Variants in RASSF3 observed in about 807,000 individuals in gnomAD.
RASSF3 encodes ras association domain-containing protein 3.
Under a neutral mutation model 19.9 loss-of-function variants are expected in RASSF3, and 19 were observed. That is an observed-to-expected ratio of 0.96 (90% CI 0.67 to 1.40). RASSF3 has a LOEUF of 1.40. RASSF3 is among the 40% of genes most tolerant of loss of function. The probability of loss-of-function intolerance (pLI) is 0.00; values close to 1 mark genes in which losing one functional copy is unlikely to be tolerated. For synonymous variants in RASSF3, 110 were observed against 104.2 expected, an observed-to-expected ratio of 1.06 and a Z score of -0.34; for missense variants, 306 against 289.8, an observed-to-expected ratio of 1.06 and a Z score of -0.41.
At chr12:64,661,491 A>G (rs1179154924) in intron 1 of RASSF3, among the ~76,000 whole-genome samples, 1 of 151,984 alleles carries the variant, frequency 6.6e-6, no homozygotes, top group Non-Finnish European at 1.5e-5. Flanking sequence ...TCTAAAAAAA[A>G]GGGGCGCAGG....
At chr12:64,533,402 G>A (rs1592391931) in intron 1 of RASSF3, 1 of 152,224 alleles carries the variant, frequency 6.6e-6, no homozygotes, top group Non-Finnish European at 1.5e-5. Flanking sequence ...TCCCCATGTC[G>A]GTTCAATTGT....
intron 2 of RASSF3, among the ~76,000 whole-genome samples, chr12:64,687,613 C>G (rs1407082964): frequency 6.6e-6 from 1 of 151,594 alleles, no homozygotes; most frequent in Non-Finnish European, 1.5e-5. Flanking sequence ...CTTAAGAGAC[C>G]CGAAATGCAT....
At chr12:64,569,101 A>T (rs1412292265) in intron 2 of RASSF3, among the ~76,000 whole-genome samples, 1 of 152,210 alleles carries the variant, frequency 6.6e-6, no homozygotes, top group Non-Finnish European at 1.5e-5. Flanking sequence ...GAGAGGACTA[A>T]GCTTGGCTGC....
chr12:64,636,004 C>T (rs1412189356), intron 1 of RASSF3, among the ~76,000 whole-genome samples: 1 of 152,112 alleles, frequency 6.6e-6, no homozygotes, highest in East Asian at 1.9e-4. Flanking sequence ...TGATTACATT[C>T]ATTGTTATTT....
chr12:64,625,166 C>T (rs982277846), intron 1 of RASSF3, among the ~76,000 whole-genome samples: 6 of 152,070 alleles, frequency 3.9e-5, no homozygotes, highest in Admixed American at 2.0e-4. Flanking sequence ...AATTGGGAAT[C>T]TCAATGTAAT....
intron 1 of RASSF3, among the ~76,000 whole-genome samples, chr12:64,681,764 G>A (rs1873135131): frequency 6.6e-6 from 1 of 152,180 alleles, no homozygotes; most frequent in African/African-American, 2.4e-5. Context: ...TGTAATCTCA[G>A]CACTTTAGGA....
chr12:64,562,553 C>A (rs546031803), intron 2 of RASSF3, among the ~76,000 whole-genome samples: 1 of 152,250 alleles, frequency 6.6e-6, no homozygotes, highest in South Asian at 2.1e-4. Flanking sequence ...ATAAATGATG[C>A]TCCTCTGCAG....
At chr12:64,665,181 G>C (rs1341882110) in intron 1 of RASSF3, among the ~76,000 whole-genome samples, 1 of 152,158 alleles carries the variant, frequency 6.6e-6, no homozygotes, top group African/African-American at 2.4e-5. Flanking sequence ...GAATCTCAGT[G>C]CCTCTCGCAA....
intron 1 of RASSF3, among the ~76,000 whole-genome samples, chr12:64,655,329 C>T (rs1381951975): frequency 2.0e-5 from 3 of 152,166 alleles, no homozygotes; most frequent in Non-Finnish European, 4.4e-5. Flanking sequence ...GTGTAATCGT[C>T]TGTACATGGT....
At chr12:64,637,095 A>G (rs1871351890) in intron 1 of RASSF3, among the ~76,000 whole-genome samples, 1 of 152,212 alleles carries the variant, frequency 6.6e-6, no homozygotes. Flanking sequence ...GTAAATGAGT[A>G]TAAAGCAATC....
chr12:64,608,704 C>T (rs143800818), upstream of RASSF3, among the ~76,000 whole-genome samples: 920 of 152,282 alleles, frequency 6.0e-3, 10 homozygotes, highest in African/African-American at 0.021. Context: ...GTAATTTAAG[C>T]CCTTAACCTA....
intron 1 of RASSF3, among the ~76,000 whole-genome samples, chr12:64,677,318 G>A (rs1455273588): frequency 6.6e-6 from 1 of 152,204 alleles, no homozygotes; most frequent in Non-Finnish European, 1.5e-5. Context: ...TAGCCCTGAT[G>A]TATATCAACA....
intron 1 of RASSF3, among the ~76,000 whole-genome samples, chr12:64,641,414 A>ACACACACACGCGCGCGCGCG: frequency 5.6e-4 from 79 of 142,194 alleles, no homozygotes; most frequent in African/African-American, 2.1e-3. Context: ...ACACACACAC[A>ACACACACACGCGCGCGCGCG]CGCGCGCGCG....
chr12:64,571,918 A>G (rs1869525175), intron 2 of RASSF3, among the ~76,000 whole-genome samples: 1 of 152,196 alleles, frequency 6.6e-6, no homozygotes, highest in Non-Finnish European at 1.5e-5. Context: ...TGCTGGTGCC[A>G]GAATCACTTA....
intron 1 of RASSF3, among the ~76,000 whole-genome samples, chr12:64,541,378 T>C (rs377074099): frequency 6.6e-6 from 1 of 152,332 alleles, no homozygotes; most frequent in African/African-American, 2.4e-5. Flanking sequence ...GATAGTGTGA[T>C]TGAATTTCAG....
chr12:64,599,859 C>G lies in RASSF3; in HGVS notation c.294+58154C>G, dbSNP rs377578351. Among the ~76,000 whole-genome samples the G allele has an allele frequency of 3.3e-5, 5 of 151,650 alleles. No homozygotes were observed. In the East Asian group the frequency reaches 5.8e-4, roughly 18 times the overall value. ...CATCCTGGCTAACACGGTGAAACCC[C>G]GTCTCTACTAAAAATACAAAAAATT... On this transcript the variant is annotated intron_variant, in intron 2 of 5. Transcript: ENST00000637125.
At chr12:64,603,396 T>C in intron 2 of RASSF3, among the ~76,000 whole-genome samples, 1 of 152,188 alleles carries the variant, frequency 6.6e-6, no homozygotes, top group Non-Finnish European at 1.5e-5. Flanking sequence ...TGGACACAGA[T>C]ACCGAACTAT....
chr12:64,645,671 T>A (rs978236707), intron 1 of RASSF3, among the ~76,000 whole-genome samples: 15 of 152,166 alleles, frequency 9.9e-5, no homozygotes, highest in Non-Finnish European at 2.1e-4. Flanking sequence ...AGAAAAATAG[T>A]TTTACTCCTG....
At chr12:64,507,365 C>G (rs568163896) in intron 1 of RASSF3, 8 of 397,860 alleles carry the variant, frequency 2.0e-5, no homozygotes, top group Non-Finnish European at 3.5e-5. Flanking sequence ...ATTTCAAATC[C>G]GTTTTTTTGT....
Sources: gnomAD v4.1 joint callset for allele counts (sites outside exome capture counted in the v4.1 genomes callset) on GRCh38, gnomAD v4.1.1 for gene constraint, MANE v1.5 for transcripts, NCBI Gene and HGNC (gene_info 2026-07-23, HGNC 2026-07-21) for gene names.